Variants in LHCGR observed in about 807,000 individuals in gnomAD.
LHCGR encodes the protein lutropin-choriogonadotropic hormone receptor.
In LHCGR, 55 loss-of-function variants were observed where a neutral mutation model predicts 60.7. The observed-to-expected ratio is 0.91, with a 90% CI of 0.73 to 1.13. The LOEUF is 1.13. Among genes scored for constraint, LHCGR ranks in the 50% most tolerant of loss-of-function variants. The pLI is 0.00. For synonymous variants in LHCGR, 337 were observed against 316.5 expected, an observed-to-expected ratio of 1.06 and a Z score of -0.69; for missense variants, 862 against 836.0, an observed-to-expected ratio of 1.03 and a Z score of -0.38.
rs140805493 is a variant in LHCGR at position 48,698,050 on chromosome 2, C to T, written c.866+565G>A. Among the ~76,000 whole-genome samples, 1,458 of 152,254 alleles carry T rather than the reference C, an allele frequency of 9.6e-3. 15 individuals carry two copies. Among genetic ancestry groups the T allele is most frequent in the Non-Finnish European group, 0.013 (882 of 68,020 alleles). ...ACCGTGTCCCCCACCCTGGACTGAA[C>T]GGAATCAGATACCCACTACTGGATG... On this transcript the variant is annotated intron_variant, in intron 9 of 10. Coordinates refer to ENST00000294954, the MANE Select transcript of LHCGR (RefSeq NM_000233.4).
chr2:48,716,881 G>C (rs1433132763), intron 6 of LHCGR, among the ~76,000 whole-genome samples: 1 of 152,128 alleles, frequency 6.6e-6, no homozygotes, highest in Non-Finnish European at 1.5e-5. Flanking sequence ...GAATCACCTG[G>C]AGTTGCTTGT....
At chr2:48,722,570 A>T (rs1238705290) in intron 6 of LHCGR, among the ~76,000 whole-genome samples, 1 of 152,054 alleles carries the variant, frequency 6.6e-6, no homozygotes, top group Non-Finnish European at 1.5e-5. Flanking sequence ...CTGATTGTTT[A>T]AAAGTGCGTG....
At chr2:48,747,819 A>C (rs1024196320) in intron 1 of LHCGR, among the ~76,000 whole-genome samples, 4 of 152,200 alleles carry the variant, frequency 2.6e-5, no homozygotes, top group African/African-American at 9.7e-5. Flanking sequence ...TTGCAAATGA[A>C]AAAAGACTTA....
At chr2:48,736,754 C>T (rs1669221256) in intron 1 of LHCGR, among the ~76,000 whole-genome samples, 1 of 152,110 alleles carries the variant, frequency 6.6e-6, no homozygotes, top group Non-Finnish European at 1.5e-5. Flanking sequence ...TTAAAAAAAT[C>T]TGGAAATCCT....
At chr2:48,735,953 G>A (rs1425540796) in intron 1 of LHCGR, among the ~76,000 whole-genome samples, 2 of 152,132 alleles carry the variant, frequency 1.3e-5, no homozygotes, top group African/African-American at 4.8e-5. Flanking sequence ...GAGTGAGTGA[G>A]TTATCATGAG....
Position 48,708,942 on chromosome 2 carries a change from A to G in LHCGR, c.680+6T>C. The G allele has an allele frequency of 6.2e-7, 1 of 1,612,480 alleles. No homozygotes were observed. Among genetic ancestry groups the G allele is most frequent in the Non-Finnish European group, 8.5e-7 (1 of 1,178,700 alleles). On this transcript the variant is annotated splice_donor_region_variant and intron_variant, in intron 8 of 10. Coordinates refer to ENST00000294954, the MANE Select transcript of LHCGR (RefSeq NM_000233.4). ...CAGGGAGGGGAGGCAGCACCATTCT[A>G]CTCACAAGGTTTTCGGCCCTGTGGC...
chr2:48,742,188 A>T (rs1175938802), intron 1 of LHCGR, among the ~76,000 whole-genome samples: 1 of 152,026 alleles, frequency 6.6e-6, no homozygotes, highest in African/African-American at 2.4e-5. Context: ...CCAGATTCAT[A>T]AAGCAAGTCC....
At chr2:48,723,431 A>C in intron 6 of LHCGR, 25 bp downstream of exon 6, 1 of 1,539,994 alleles carries the variant, frequency 6.5e-7, no homozygotes, top group African/African-American at 1.4e-5. Context: ...TGTATGGCAG[A>C]ACACAAATCT....
At chr2:48,739,975 T>C (rs919023668) in intron 1 of LHCGR, among the ~76,000 whole-genome samples, 2 of 152,172 alleles carry the variant, frequency 1.3e-5, no homozygotes, top group African/African-American at 2.4e-5. Flanking sequence ...CGCAGGTCAG[T>C]GGGTGCGTGC....
rs78206620 is a variant in LHCGR, at chr2:48,732,973, A to G, written c.162-1675T>C. ...GAAGAACAGGGACAGTGTGGGAAGA[A>G]ATCTTCTTGTGATGGCATATTTGCT... is the stretch of plus-strand genomic sequence containing the variant. On this transcript the variant is annotated intron_variant, in intron 1 of 10. Transcript: ENST00000294954. The G allele has an allele frequency of 2.1e-3, 1,108 of 532,680 alleles. 21 individuals are homozygous for G. The East Asian group carries it at 0.041, about 20-fold the overall frequency. 33.0% of individuals were successfully genotyped at this position (532,680 alleles called of 1,614,324 possible).
intron 1 of LHCGR, among the ~76,000 whole-genome samples, chr2:48,740,235 C>G (rs1558888343): frequency 6.6e-6 from 1 of 152,022 alleles, no homozygotes; most frequent in Non-Finnish European, 1.5e-5. Context: ...AGTCTGAGAT[C>G]AAACTGCAAG....
At chr2:48,721,717 A>G (rs4637173) in intron 6 of LHCGR, 79,719 of 470,970 alleles carry the variant, frequency 0.17, 7,682 homozygotes, top group South Asian at 0.25. Flanking sequence ...ATTCCAATCC[A>G]TGTTTTCTCT....
chr2:48,726,995 C>T (rs1386080523), intron 3 of LHCGR, among the ~76,000 whole-genome samples: 1 of 152,172 alleles, frequency 6.6e-6, no homozygotes, highest in Non-Finnish European at 1.5e-5. Flanking sequence ...CCACTTGTGC[C>T]TGTTTCCATC....
chr2:48,744,316 A>C (rs1669601782), intron 1 of LHCGR, among the ~76,000 whole-genome samples: 1 of 36,234 alleles, frequency 2.8e-5, no homozygotes. Context: ...GCTACCAATG[A>C]CTTTCTTCAC....
intron 9 of LHCGR, among the ~76,000 whole-genome samples, chr2:48,695,174 T>G (rs1667055675): frequency 6.6e-6 from 1 of 152,172 alleles, no homozygotes; most frequent in Non-Finnish European, 1.5e-5. Context: ...TTTAATTTCA[T>G]TATAGATTCT....
At chr2:48,740,400 A>G (rs1669392759) in intron 1 of LHCGR, among the ~76,000 whole-genome samples, 1 of 152,224 alleles carries the variant, frequency 6.6e-6, no homozygotes, top group African/African-American at 2.4e-5. Flanking sequence ...GGCACAGACA[A>G]ACAAAAAGAC....
intron 9 of LHCGR, among the ~76,000 whole-genome samples, chr2:48,698,111 A>G (rs761345389): frequency 7.2e-5 from 11 of 152,208 alleles, no homozygotes; most frequent in South Asian, 2.1e-4. Flanking sequence ...TCCTGTTCCC[A>G]TGCTAAGCTT....
At chr2:48,690,397 C>A (rs1680170203) in intron 10 of LHCGR, among the ~76,000 whole-genome samples, 1 of 152,124 alleles carries the variant, frequency 6.6e-6, no homozygotes, top group African/African-American at 2.4e-5. Context: ...GCCTCAAGTT[C>A]TTTATTTGCC....
chr2:48,754,940 G>C (rs1226467062), intron 1 of LHCGR, among the ~76,000 whole-genome samples: 6 of 148,960 alleles, frequency 4.0e-5, no homozygotes, highest in African/African-American at 1.5e-4. Flanking sequence ...TGGTCCATTA[G>C]ACCATGAGAC....
Sources: gnomAD v4.1 joint callset for allele counts (sites outside exome capture counted in the v4.1 genomes callset) on GRCh38, gnomAD v4.1.1 for gene constraint, MANE v1.5 for transcripts, NCBI Gene and HGNC (gene_info 2026-07-23, HGNC 2026-07-21) for gene names.